The following EIF4G1 variants were observed in gnomAD, a reference collection of about 807,000 sequenced individuals.
The protein encoded by EIF4G1 is EIF4-gamma.
Under a neutral mutation model 187.8 loss-of-function variants are expected in EIF4G1, and 4 were observed. That is an observed-to-expected ratio of 0.02 (90% CI 0.01 to 0.05). The LOEUF is 0.05. EIF4G1 is among the 10% of genes least tolerant of loss of function. EIF4G1 has a pLI of 1.00. For missense variants in EIF4G1, 1,647 were observed against 2,081.1 expected (o/e 0.79, Z 4.06); for synonymous variants, 844 against 781.4 (o/e 1.08, Z -1.34).
rs753514901 is a variant in EIF4G1, at chr3:184,321,289, G to A, written c.705G>A (p.Arg235=). 2 of 1,614,076 alleles carry A rather than the reference G, an allele frequency of 1.2e-6. No individual in the cohort carries two copies. The highest frequency in any genetic ancestry group is 3.3e-5 in the Admixed American group (2 of 60,020). Residue 235 remains arginine, a synonymous_variant, in exon 10 of 33, where the codon CGG becomes CGA. Coordinates refer to ENST00000346169, the MANE Select transcript of EIF4G1 (RefSeq NM_198241.3). ...TTCCTTCCTATGGTGCAGATGACCG[G>A]TCACAGGGAGCAATCATTGCTGACC... The part of the protein sequence containing the change: ...QVAVIVRPDD[R]SQGAIIADRP...
Position 184,325,221 on chromosome 3 carries a change from T to C in EIF4G1, c.2857-48T>C, listed in dbSNP as rs199876995. The C allele has an allele frequency of 5.4e-5, 87 of 1,609,238 alleles. No homozygotes were observed. Among genetic ancestry groups the C allele is most frequent in the Admixed American group, 3.2e-4 (19 of 60,016 alleles). ...TGAGGAGGGGTGGGGCCTGCAGTTA[T>C]AGGTGGGACATGAGAAGTTCCTGGT... On this transcript the variant is annotated intron_variant, in intron 18 of 32. Transcript: ENST00000346169. This position sits in a 1 kb window ranked among gnomAD's most constrained non-coding sequence, Gnocchi z 5.2.
chr3:184,324,035 A>C, intron 16 of EIF4G1, 58 bp downstream of exon 16: 2 of 1,609,590 alleles, frequency 1.2e-6, no homozygotes, highest in Non-Finnish European at 1.7e-6. Context: ...TATTCCCAAG[A>C]CTCCTTGAGT....
chr3:184,319,426 GGTGTGTGTGT>G (rs1168140244), intron 6 of EIF4G1, among the ~76,000 whole-genome samples: 14 of 112,966 alleles, frequency 1.2e-4, no homozygotes, highest in South Asian at 8.7e-4. Flanking sequence ...GCCTACGAGG[GGTGTGTGTGT>G]GTGTGTGTGT....
In EIF4G1 at chr3:184,321,374, C is replaced by T; in HGVS notation, c.790C>T (p.Pro264Ser). Residue 264 changes from proline (P) to serine (S), a missense_variant, in exon 10 of 33, where the codon CCG becomes TCG. Around this residue, in one of 11 missense-constraint regions of EIF4G1, gnomAD observed 522 missense variants for 485.2 expected, o/e 1.08. Coordinates refer to ENST00000346169, the MANE Select transcript of EIF4G1 (RefSeq NM_198241.3). ...AGAATCCCAGCCTTCGTCGCCTTCT[C>T]CGACCCCATCACCATCCCCAGTCTT... The part of the protein sequence containing the change: ...PSESQPSSPS[P>S]TPSPSPVLEP... The T allele has an allele frequency of 6.2e-7, 1 of 1,614,172 alleles. No homozygotes were observed. Among genetic ancestry groups the T allele is most frequent in the Non-Finnish European group, 8.5e-7 (1 of 1,180,038 alleles).
At chr3:184,316,317 GGCCTTAATCCTCTGT>G in intron 4 of EIF4G1, 99 bp downstream of exon 4, 8 of 1,467,410 alleles carry the variant, frequency 5.5e-6, no homozygotes, top group Non-Finnish European at 6.5e-6. Context: ...CCCCATACCT[GGCCTTAATCCTCTGT>G]GTTCTTTCAT....
chr3:184,322,745 G>C lies in EIF4G1; in HGVS notation c.1795+15G>C, dbSNP rs1188906680. The stretch of plus-strand genomic sequence containing the variant: ...ATATAAGTCAGGTATGCTGAAGAAA[G>C]GGTTGAGAATGGCTTGAGTTTTCTT... On this transcript the variant is annotated intron_variant, in intron 12 of 32. Transcript: ENST00000346169. 2 of 1,614,084 alleles carry C rather than the reference G, an allele frequency of 1.2e-6. No individual in the cohort carries two copies. The highest frequency in any genetic ancestry group is 2.7e-5 in the African/African-American group (2 of 74,910).
In EIF4G1 at chr3:184,322,474, GGA is replaced by G. The variant is rs147799790; in HGVS notation, c.1608+28_1608+29del. 1,526 of 1,614,004 alleles carry G rather than the reference GGA, an allele frequency of 9.5e-4. 15 individuals are homozygous for G. The African/African-American group carries it at 0.018, about 19-fold the overall frequency. ...AGGTAAGGGAGCAGAAAATGGGAGG[GGA>G]GAGGGCCAAGTTGAGGTATGGAGCA... On this transcript the variant is annotated intron_variant, in intron 11 of 32. Coordinates refer to ENST00000346169, the MANE Select transcript of EIF4G1 (RefSeq NM_198241.3).
At position 184,315,775 on chromosome 3, in the gene EIF4G1, C is replaced by G. The variant is rs779432747; in HGVS notation, c.-22C>G. On this transcript the variant is annotated 5_prime_UTR_variant, in exon 3 of 33. Transcript: ENST00000346169. ...TCTTTCCCAACAGGTGCTGGGGGGA[C>G]CCTGATGTGGCACCAAATGAAATGA... The G allele has an allele frequency of 4.5e-6, 7 of 1,551,566 alleles. No homozygotes were observed. Among genetic ancestry groups the G allele is most frequent in the Non-Finnish European group, 6.1e-6 (7 of 1,146,886 alleles).
intron 22 of EIF4G1, 88 bp downstream of exon 22, chr3:184,326,717 A>C: frequency 6.5e-7 from 1 of 1,536,002 alleles, no homozygotes; most frequent in South Asian, 1.1e-5. Context: ...CCTTCAGTAC[A>C]AGGTGGTTAG....
intron 21 of EIF4G1, 63 bp downstream of exon 21, chr3:184,326,014 C>A: frequency 6.4e-7 from 1 of 1,552,890 alleles, no homozygotes; most frequent in Non-Finnish European, 8.9e-7. Context: ...CTTCACTTTT[C>A]TAAAGTTGAG....
In EIF4G1 at chr3:184,325,316, AAAG is replaced by A; in HGVS notation, c.2909_2911del (p.Lys970del). 1 of 1,614,212 alleles carries A rather than the reference AAAG, an allele frequency of 6.2e-7. No homozygotes were observed. The highest frequency in any genetic ancestry group is 8.5e-7 in the Non-Finnish European group (1 of 1,180,038). On this transcript the variant is annotated inframe_deletion, in exon 19 of 33. Coordinates refer to ENST00000346169, the MANE Select transcript of EIF4G1 (RefSeq NM_198241.3). This position sits in a 1 kb window ranked among gnomAD's most constrained non-coding sequence, Gnocchi z 5.2. ...ACCAGATGGAAAAAATCATTAAAGA[AAAG>A]AAGACGTCATCCCGCATCCGCTTTA... is the stretch of plus-strand genomic sequence containing the variant.
Position 184,334,612 on chromosome 3 carries a change from T to A in EIF4G1, c.4619-115T>A. 3.2e-6 allele frequency: 4 copies of A among 1,261,024 alleles called. No homozygotes were observed. The highest frequency in any genetic ancestry group is 4.6e-6 in the Non-Finnish European group (4 of 875,348). 78.1% of individuals were successfully genotyped at this position (1,261,024 alleles called of 1,614,324 possible). A position where few individuals can be genotyped will look rare whatever the true frequency, so the allele number is the denominator to read the frequency against. On this transcript the variant is annotated intron_variant, in intron 32 of 32. Coordinates refer to ENST00000346169, the MANE Select transcript of EIF4G1 (RefSeq NM_198241.3). The surrounding 1 kb of genome is among the most constrained non-coding windows in gnomAD (Gnocchi z 5.8). ...CTAGTCACTCTGGAATGGCCACAAATGTCAGGCTGGTGCATCAGGGCCTTG... is the reference window on the plus strand; with the variant it reads ...CTAGTCACTCTGGAATGGCCACAAAAGTCAGGCTGGTGCATCAGGGCCTTG...
intron 4 of EIF4G1, chr3:184,316,571 A>C: frequency 6.2e-6 from 5 of 804,988 alleles, no homozygotes; most frequent in Non-Finnish European, 9.9e-6. Context: ...TAAACACTCC[A>C]GCTGGTCCTT....
intron 3 of EIF4G1, 73 bp downstream of exon 3, chr3:184,315,929 C>T: frequency 2.0e-6 from 3 of 1,509,212 alleles, no homozygotes; most frequent in Non-Finnish European, 2.7e-6. Context: ...ATCTTCCTAC[C>T]CCCATCTGTG....
chr3:184,325,543 GC>G lies in EIF4G1; in HGVS notation c.3026del (p.Ala1009ValfsTer83). ...GACCATTGACCAGATCCATAAGGAG[GC>G]TGAGATGGAAGAACATCGAGAGCAC... ...PKTIDQIHKE[A>X]EMEEHREHIK... On this transcript the variant is annotated frameshift_variant, in exon 20 of 33. Coordinates refer to ENST00000346169, the MANE Select transcript of EIF4G1 (RefSeq NM_198241.3). LOFTEE classifies it high-confidence loss of function. The surrounding 1 kb of genome is among the most constrained non-coding windows in gnomAD (Gnocchi z 5.2). The G allele has an allele frequency of 6.2e-7, 1 of 1,614,104 alleles. No individual in the cohort carries two copies. Among genetic ancestry groups the G allele is most frequent in the Non-Finnish European group, 8.5e-7 (1 of 1,180,060 alleles).
At chr3:184,315,111 G>C (rs1054997651) in intron 1 of EIF4G1, 2 of 329,434 alleles carry the variant, frequency 6.1e-6, no homozygotes, top group East Asian at 2.0e-4. Context: ...GAGGGAGGCG[G>C]TGGCGGCGGG....
intron 6 of EIF4G1, chr3:184,319,154 TC>T (rs1723329531): frequency 6.5e-6 from 1 of 152,970 alleles, no homozygotes; most frequent in African/African-American, 2.4e-5. Context: ...TTTTTCTTCA[TC>T]TTGAGCCTAG....
Position 184,319,815 on chromosome 3 carries a change from A to G in EIF4G1, c.537+14A>G, listed in dbSNP as rs1173079481. On this transcript the variant is annotated intron_variant, in intron 7 of 32. Transcript: ENST00000346169. The stretch of plus-strand genomic sequence containing the variant: ...GAGCGTAAGACGGTGAGTAGCAGTG[A>G]GGGGCTCCGGGACATCTGGGAAGGG... 1 of 1,548,168 alleles carries G rather than the reference A, an allele frequency of 6.5e-7. No homozygotes were observed. Among genetic ancestry groups the G allele is most frequent in the Non-Finnish European group, 8.8e-7 (1 of 1,130,858 alleles).
Position 184,327,874 on chromosome 3 carries a change from C to T in EIF4G1, c.3825C>T (p.Leu1275=). The part of the protein sequence containing the change: ...CVQELASPSL[L]FIFVRHGVES... ...AGGAGCTGGCCTCACCCTCCTTGCTCTTCATCTTTGTACGGCATGGTGTCG... is the reference window on the plus strand; with the variant it reads ...AGGAGCTGGCCTCACCCTCCTTGCTTTTCATCTTTGTACGGCATGGTGTCG... Residue 1275 remains leucine (L), a synonymous_variant, in exon 26 of 33, where the codon CTC becomes CTT. Transcript: ENST00000346169. 6.2e-7 allele frequency: 1 copy of T among 1,614,020 alleles called. No individual in the cohort carries two copies. Among genetic ancestry groups the T allele is most frequent in the Non-Finnish European group, 8.5e-7 (1 of 1,180,044 alleles).
Sources: allele counts gnomAD v4.1 joint callset (sites outside exome capture counted in the v4.1 genomes callset), GRCh38; gene constraint gnomAD v4.1.1; regional missense constraint gnomAD v4.1.1; non-coding constraint Gnocchi (gnomAD v3.1); transcripts MANE v1.5; gene names NCBI Gene and HGNC (gene_info 2026-07-23, HGNC 2026-07-21).